Variants in STAT5B observed in about 807,000 individuals in gnomAD.
STAT5B encodes signal transducer and activator of transcription 5B, also known as transcription factor STAT5B.
In STAT5B, 21 loss-of-function variants were observed where a neutral mutation model predicts 107.8. That is an observed-to-expected ratio of 0.19 (90% confidence interval 0.14 to 0.28). The LOEUF (loss-of-function observed/expected upper bound fraction) is 0.28. Ranked by LOEUF, STAT5B falls within the 10% of genes least tolerant of loss-of-function variation. The pLI is 1.00. For missense variants in STAT5B, 565 were observed against 1,008.2 expected (o/e 0.56, Z 5.95); for synonymous variants, 325 against 401.7 (o/e 0.81, Z 2.28).
At chr17:42,280,455 C>T (rs1465392519), upstream of STAT5B, among the ~76,000 whole-genome samples, 2 of 152,194 alleles carry the variant, frequency 1.3e-5, no homozygotes, top group Non-Finnish European at 2.9e-5. Flanking sequence ...GAAGCCACAA[C>T]CATGATCCCC....
In STAT5B at chr17:42,265,562, G is replaced by A. The variant is rs574392673; in HGVS notation, c.-11+10686C>T. On this transcript the variant is annotated intron_variant, in intron 1 of 18. Coordinates refer to ENST00000293328, the MANE Select transcript of STAT5B (RefSeq NM_012448.4). ...GAGACGGGGTTTCACCATGTTGGCC[G>A]GGATGGTCTTGAACTCCTGACCTCG... is the stretch of plus-strand genomic sequence containing the variant. Among the ~76,000 whole-genome samples, 7 of 151,564 alleles carry A rather than the reference G, an allele frequency of 4.6e-5. No individual in the cohort carries two copies. In the South Asian group the frequency reaches 1.5e-3, roughly 32 times the overall value.
rs568752464 is a variant in STAT5B at position 42,276,216 on chromosome 17, C to T, written c.-11+32G>A. On this transcript the variant is annotated intron_variant, in intron 1 of 18. Coordinates refer to ENST00000293328, the MANE Select transcript of STAT5B (RefSeq NM_012448.4). This position sits in a 1 kb window ranked among gnomAD's most constrained non-coding sequence, Gnocchi z 4.8. ...GGCTCCCCGGCCTGGCTCCCCCGGC[C>T]CCGGGCCCAGGGCTCGCCCCGCAGC... 0.011 allele frequency: 1,594 copies of T among 147,898 alleles called. 10 individuals are homozygous for T. The highest frequency in any genetic ancestry group is 0.016 in the Non-Finnish European group (1,068 of 66,330). 9.2% of individuals were successfully genotyped at this position (147,898 alleles called of 1,614,324 possible). A position where few individuals can be genotyped will look rare whatever the true frequency, so the allele number is the denominator to read the frequency against.
At chr17:42,286,862 C>T in the STAT5B span, among the ~76,000 whole-genome samples, 1 of 152,142 alleles carries the variant, frequency 6.6e-6, no homozygotes, top group Admixed American at 6.5e-5. Flanking sequence ...AGTCACTTCC[C>T]CTCTCTGGCC....
chr17:42,254,828 C>T (rs1035423839), intron 1 of STAT5B, among the ~76,000 whole-genome samples: 10 of 152,182 alleles, frequency 6.6e-5, no homozygotes, highest in Admixed American at 6.5e-4. Flanking sequence ...TGCGGTGGCT[C>T]ATGCCTGTAA....
At chr17:42,256,235 C>G (rs148269937) in intron 1 of STAT5B, among the ~76,000 whole-genome samples, 25 of 152,290 alleles carry the variant, frequency 1.6e-4, no homozygotes, top group African/African-American at 6.0e-4. Context: ...TGTCTCCTCT[C>G]TCTTCTCCCC....
At chr17:42,257,422 C>T (rs568373341) in intron 1 of STAT5B, among the ~76,000 whole-genome samples, 1 of 152,268 alleles carries the variant, frequency 6.6e-6, no homozygotes, top group South Asian at 2.1e-4. Context: ...GATGCAAAAG[C>T]AATTTCTGAT....
At position 42,265,377 on chromosome 17, in the gene STAT5B, C is replaced by CTTTTTTTTTTTTTTTTTTTTTTT. The variant is rs371149930; in HGVS notation, c.-11+10870_-11+10871insAAAAAAAAAAAAAAAAAAAAAAA. On this transcript the variant is annotated intron_variant, in intron 1 of 18. Coordinates refer to ENST00000293328, the MANE Select transcript of STAT5B (RefSeq NM_012448.4). ...GCTAAGTCAAAGGGTATGTACTCTTCTTTTTTTTTTTTGAGACGAAGTCTC... is the reference window on the plus strand; with the variant it reads ...GCTAAGTCAAAGGGTATGTACTCTTCTTTTTTTTTTTTTTTTTTTTTTTTTTTTTTTTTTTGAGACGAAGTCTC... Among the ~76,000 whole-genome samples, 173 of 110,552 alleles carry CTTTTTTTTTTTTTTTTTTTTTTT rather than the reference C, an allele frequency of 1.6e-3. 31 individuals carry two copies. Among genetic ancestry groups the CTTTTTTTTTTTTTTTTTTTTTTT allele is most frequent in the African/African-American group, 4.4e-3 (122 of 27,676 alleles). The allele number at this position is 110,552 out of a possible 152,430, so 72.5% of individuals were successfully genotyped here. A position where few individuals can be genotyped will look rare whatever the true frequency, so the allele number is the denominator to read the frequency against.
chr17:42,241,127 T>G (rs1003144377), intron 1 of STAT5B, among the ~76,000 whole-genome samples: 2 of 151,642 alleles, frequency 1.3e-5, no homozygotes, highest in African/African-American at 4.8e-5. Context: ...TCACCTGAGG[T>G]TGGGAGTTCA....
In STAT5B at chr17:42,201,326, C is replaced by T. The variant is rs2080041798; in HGVS notation, c.*412G>A. ...CACTGGAGCACATGTGCTTTCTCCT[C>T]CCTTTGTCCTTCTCTTATTCAAACA... On this transcript the variant is annotated 3_prime_UTR_variant, in exon 19 of 19. Coordinates refer to ENST00000293328, the MANE Select transcript of STAT5B (RefSeq NM_012448.4). 3.6e-6 allele frequency: 2 copies of T among 557,274 alleles called. No homozygotes were observed. Among genetic ancestry groups the T allele is most frequent in the African/African-American group, 3.8e-5 (2 of 53,238 alleles). 34.5% of individuals were successfully genotyped at this position (557,274 alleles called of 1,614,324 possible). A position where few individuals can be genotyped will look rare whatever the true frequency, so the allele number is the denominator to read the frequency against.
At chr17:42,269,963 A>G (rs1184790124) in intron 1 of STAT5B, among the ~76,000 whole-genome samples, 1 of 152,086 alleles carries the variant, frequency 6.6e-6, no homozygotes, top group Admixed American at 6.5e-5. Context: ...TAATCCCAGC[A>G]CTTCGGAAGG....
At chr17:42,228,878 G>C (rs1043665090) in intron 2 of STAT5B, among the ~76,000 whole-genome samples, 1 of 152,162 alleles carries the variant, frequency 6.6e-6, no homozygotes, top group Non-Finnish European at 1.5e-5. Flanking sequence ...AGGTTGCAGT[G>C]AGCCAAGATT....
intron 16 of STAT5B, among the ~76,000 whole-genome samples, chr17:42,205,389 T>G (rs1412446885): frequency 2.0e-5 from 3 of 151,858 alleles, no homozygotes; most frequent in Non-Finnish European, 4.4e-5. Context: ...TATGATATGG[T>G]CTAGACTCCA....
chr17:42,282,760 C>T, the STAT5B span, among the ~76,000 whole-genome samples: 6 of 152,194 alleles, frequency 3.9e-5, no homozygotes, highest in African/African-American at 1.2e-4. Context: ...CCAGGGTCTG[C>T]ACCAGGACCT....
intron 1 of STAT5B, among the ~76,000 whole-genome samples, chr17:42,252,471 T>C (rs2080508342): frequency 6.6e-6 from 1 of 152,208 alleles, no homozygotes; most frequent in East Asian, 1.9e-4. Context: ...TTCATTTTGA[T>C]TTCCCCAATA....
chr17:42,201,794 C>T lies in STAT5B; in HGVS notation c.2308G>A (p.Glu770Lys). The stretch of plus-strand genomic sequence containing the variant: ...TCCATTGGCCGGCCCAGGAGCTCCT[C>T]CACACGCCGCGCTACGTCCATTGTG... Reference protein sequence around the residue: ...EDTMDVARRVEELLGRPMDSQ... With the variant: ...EDTMDVARRVKELLGRPMDSQ... Residue 770 changes from glutamate to lysine, a missense_variant, in exon 19 of 19, where the codon GAG becomes AAG. Physicochemically the swap from Glu to Lys is moderately conservative, Grantham distance 56. This residue lies in a region of STAT5B where 76 missense variants were observed against 110.2 expected (regional missense o/e 0.69). Coordinates refer to ENST00000293328, the MANE Select transcript of STAT5B (RefSeq NM_012448.4). 6.2e-7 allele frequency: 1 copy of T among 1,614,122 alleles called. No individual in the cohort carries two copies. The highest frequency in any genetic ancestry group is 8.5e-7 in the Non-Finnish European group (1 of 1,180,022).
At chr17:42,282,674 G>A in the STAT5B span, among the ~76,000 whole-genome samples, 1 of 152,268 alleles carries the variant, frequency 6.6e-6, no homozygotes, top group African/African-American at 2.4e-5. Context: ...CCAGCAGTGG[G>A]TCTTGCTATT....
chr17:42,262,920 G>A (rs940252943), intron 1 of STAT5B, among the ~76,000 whole-genome samples: 19 of 100,608 alleles, frequency 1.9e-4, no homozygotes, highest in African/African-American at 4.3e-4. Flanking sequence ...ATATATATGT[G>A]TGTATATATA....
intron 1 of STAT5B, among the ~76,000 whole-genome samples, chr17:42,266,740 T>C (rs2080676370): frequency 6.6e-6 from 1 of 152,028 alleles, no homozygotes; most frequent in Admixed American, 6.6e-5. Context: ...TTTCTGGTAT[T>C]GCAAAGTCAA....
At chr17:42,257,102 G>T (rs868247417) in intron 1 of STAT5B, among the ~76,000 whole-genome samples, 28 of 152,098 alleles carry the variant, frequency 1.8e-4, no homozygotes, top group Middle Eastern at 3.4e-3. Flanking sequence ...TTACATGTTG[G>T]GCTCTGTTCT....
Sources: allele counts gnomAD v4.1 joint callset (sites outside exome capture counted in the v4.1 genomes callset), GRCh38; gene constraint gnomAD v4.1.1; regional missense constraint gnomAD v4.1.1; non-coding constraint Gnocchi (gnomAD v3.1); transcripts MANE v1.5; gene names NCBI Gene and HGNC (gene_info 2026-07-23, HGNC 2026-07-21).